The following GNPAT variants were observed in gnomAD, a reference collection of about 807,000 sequenced individuals.
GNPAT encodes the protein glyceronephosphate O-acyltransferase, also known as dihydroxyacetone phosphate acyltransferase.
Under a neutral mutation model 78.4 loss-of-function variants are expected in GNPAT, and 30 were observed. The observed-to-expected ratio is 0.38, with a 90% CI of 0.29 to 0.52. The LOEUF (loss-of-function observed/expected upper bound fraction) is 0.52, where lower values mean the gene tolerates loss of function less well. Ranked by LOEUF, GNPAT falls within the 20% of genes least tolerant of loss-of-function variation. The probability of loss-of-function intolerance (pLI) is 0.84; values close to 1 mark genes in which losing one functional copy is unlikely to be tolerated. For synonymous variants in GNPAT, 271 were observed against 281.1 expected (o/e 0.96, Z 0.36); for missense variants, 714 against 812.2 (o/e 0.88, Z 1.47).
chr1:231,249,246 A>G (rs756034627), intron 1 of GNPAT, among the ~76,000 whole-genome samples: 3 of 152,218 alleles, frequency 2.0e-5, no homozygotes, highest in African/African-American at 4.8e-5. Context: ...AAGGGTTGCA[A>G]CTTTACATGA....
intron 15 of GNPAT, among the ~76,000 whole-genome samples, 189 bp from the exon 16 acceptor site, chr1:231,277,310 G>A (rs888877751): frequency 6.6e-6 from 1 of 152,222 alleles, no homozygotes. Flanking sequence ...CTCTGGCCAT[G>A]CTGTCACCTC....
At chr1:231,277,057 C>T (rs1685737458) in intron 15 of GNPAT, among the ~76,000 whole-genome samples, 1 of 152,086 alleles carries the variant, frequency 6.6e-6, no homozygotes, top group Non-Finnish European at 1.5e-5. Flanking sequence ...GTAGTTGTTG[C>T]ATATCGGGAA....
In GNPAT at chr1:231,271,012, G is replaced by A. The variant is rs760790155; in HGVS notation, c.1522+12G>A. 6.2e-7 allele frequency: 1 copy of A among 1,614,010 alleles called. No individual in the cohort carries two copies. The highest frequency in any genetic ancestry group is 2.2e-5 in the East Asian group (1 of 44,886). On this transcript the variant is annotated intron_variant, in intron 10 of 15. Coordinates refer to ENST00000366647, the MANE Select transcript of GNPAT (RefSeq NM_014236.4). The stretch of plus-strand genomic sequence containing the variant: ...AGGGTTCAGGAAAGGTAATTTTCAG[G>A]AATGCAATCTTGACTTTTAGAAGAG...
At chr1:231,255,702 T>A (rs1271432970) in intron 2 of GNPAT, among the ~76,000 whole-genome samples, 1 of 152,176 alleles carries the variant, frequency 6.6e-6, no homozygotes, top group African/African-American at 2.4e-5. Context: ...CCTAAAGTGC[T>A]GGGATTACAG....
intron 9 of GNPAT, among the ~76,000 whole-genome samples, 175 bp from the exon 10 acceptor site, chr1:231,270,583 T>G (rs1428675301): frequency 1.3e-5 from 2 of 152,108 alleles, no homozygotes; most frequent in East Asian, 3.9e-4. Context: ...ATTTATGAAA[T>G]AGTACTTTTA....
chr1:231,244,813 T>C (rs1481176061), intron 1 of GNPAT, among the ~76,000 whole-genome samples: 1 of 152,152 alleles, frequency 6.6e-6, no homozygotes, highest in African/African-American at 2.4e-5. Flanking sequence ...GACCCTAGAA[T>C]GAAAAGAAGA....
At chr1:231,266,769 C>G (rs1685400947) in intron 8 of GNPAT, among the ~76,000 whole-genome samples, 1 of 152,118 alleles carries the variant, frequency 6.6e-6, no homozygotes, top group Non-Finnish European at 1.5e-5. Flanking sequence ...ATTTTTGACC[C>G]TAGAAAGGAT....
At chr1:231,266,430 T>A in intron 8 of GNPAT, 23 bp downstream of exon 8, 1 of 1,605,582 alleles carries the variant, frequency 6.2e-7, no homozygotes. Context: ...TTTTAATAAC[T>A]GTCTTAGAAA....
chr1:231,275,002 A>G, intron 12 of GNPAT: 1 of 507,542 alleles, frequency 2.0e-6, no homozygotes, highest in East Asian at 3.6e-5. Context: ...AAATGTCATT[A>G]TTATTTTAAA....
chr1:231,262,745 A>T lies in GNPAT; in HGVS notation c.461A>T (p.His154Leu). The change falls in exon 4 of 16, where the codon CAT becomes CTT. Residue 154 changes from histidine (H) to leucine (L), a missense_variant. His to Leu is a moderately conservative substitution (Grantham distance 99). Transcript: ENST00000366647. ...AAGCTACAAAGAGCCATCCAGGAGC[A>T]TCCTGTTGTTCTGCTGCCTAGTCAT... Reference protein sequence around the residue: ...IQKLQRAIQEHPVVLLPSHRS... With the variant: ...IQKLQRAIQELPVVLLPSHRS... The T allele has an allele frequency of 6.2e-7, 1 of 1,610,200 alleles. No homozygotes were observed. The highest frequency in any genetic ancestry group is 1.3e-5 in the African/African-American group (1 of 75,002).
At chr1:231,256,527 C>G (rs137903794) in intron 2 of GNPAT, among the ~76,000 whole-genome samples, 1 of 115,028 alleles carries the variant, frequency 8.7e-6, no homozygotes, top group South Asian at 3.0e-4. Flanking sequence ...TGCTCTGTTG[C>G]CCAGGCTGGA....
intron 6 of GNPAT, 56 bp from the exon 7 acceptor site, chr1:231,265,958 C>G: frequency 6.9e-7 from 1 of 1,443,338 alleles, no homozygotes; most frequent in Non-Finnish European, 9.7e-7. Flanking sequence ...TTTATGTGCT[C>G]ATGTTTGCTC....
chr1:231,248,089 A>G (rs2102798803), intron 1 of GNPAT, among the ~76,000 whole-genome samples: 1 of 152,252 alleles, frequency 6.6e-6, no homozygotes, highest in African/African-American at 2.4e-5. Context: ...ACAACGTGGG[A>G]GTTGGGGGCA....
chr1:231,253,738 T>TA (rs1449183283), intron 2 of GNPAT, among the ~76,000 whole-genome samples: 2 of 152,236 alleles, frequency 1.3e-5, no homozygotes, highest in Non-Finnish European at 2.9e-5. Context: ...AAGTTACTAT[T>TA]ATTATCTACT....
chr1:231,251,362 G>T (rs1417228473), intron 2 of GNPAT, among the ~76,000 whole-genome samples: 1 of 152,156 alleles, frequency 6.6e-6, no homozygotes, highest in Non-Finnish European at 1.5e-5. Context: ...TATGTCGTCT[G>T]GGCATAAGTG....
chr1:231,269,745 T>G (rs531221134), intron 9 of GNPAT: 2 of 152,340 alleles, frequency 1.3e-5, no homozygotes, highest in South Asian at 4.1e-4. Context: ...ACATAGGTAC[T>G]TGTTTTTCTA....
rs774607150 is a variant in GNPAT, at chr1:231,266,139, G to C, written c.898G>C (p.Val300Leu). ...TCTTTATGTGTATGAGCTTCTAGGG[G>C]TTCCTAAACCAAAAGAGTCTACAAC... ...ETLYVYELLG[V>L]PKPKESTTGL... The change falls in exon 7 of 16, where the codon GTT becomes CTT. Residue 300 changes from valine to leucine, a missense_variant. By Grantham distance (32) the Val-to-Leu change is conservative (BLOSUM62 1). Transcript: ENST00000366647. 8.1e-6 allele frequency: 13 copies of C among 1,613,306 alleles called. No homozygotes were observed. The highest frequency in any genetic ancestry group is 5.5e-5 in the South Asian group (5 of 91,062).
rs867560505 is a variant in GNPAT, at chr1:231,255,981, G to T, written c.262-4526G>T. Among the ~76,000 whole-genome samples the T allele has an allele frequency of 3.3e-5, 5 of 152,082 alleles. No individual in the cohort carries two copies. In the South Asian group the frequency reaches 1.0e-3, roughly 32 times the overall value. The stretch of plus-strand genomic sequence containing the variant: ...ATGTCTTTTTAATCATTCCTCATTT[G>T]CTTTTATGGGCTTTTCCTTTGCCTG... On this transcript the variant is annotated intron_variant, in intron 2 of 15. Coordinates refer to ENST00000366647, the MANE Select transcript of GNPAT (RefSeq NM_014236.4).
chr1:231,255,990 G>T (rs921055086), intron 2 of GNPAT, among the ~76,000 whole-genome samples: 13 of 151,974 alleles, frequency 8.6e-5, no homozygotes, highest in Non-Finnish European at 1.5e-5. Flanking sequence ...TGCTTTTATG[G>T]GCTTTTCCTT....
Sources: gnomAD v4.1 joint callset for allele counts (sites outside exome capture counted in the v4.1 genomes callset) on GRCh38, gnomAD v4.1.1 for gene constraint, MANE v1.5 for transcripts, NCBI Gene and HGNC (gene_info 2026-07-23, HGNC 2026-07-21) for gene names.